GALNT13: variants seen among roughly 807,000 people sequenced by gnomAD.
GALNT13 encodes UDP-GalNAc:polypeptide N-acetylgalactosaminyltransferase 13.
GALNT13 carries 28 observed loss-of-function variants against 64.2 expected under a neutral mutation model. The observed-to-expected ratio is 0.44, with a 90% CI of 0.32 to 0.60. GALNT13 has a LOEUF of 0.60. GALNT13 is among the 20% of genes least tolerant of loss of function. The pLI is 0.05. For synonymous variants in GALNT13, 214 were observed against 224.6 expected (o/e 0.95, Z 0.42); for missense variants, 577 against 669.8 (o/e 0.86, Z 1.53).
chr2:153,700,816 C>T, the GALNT13 span, among the ~76,000 whole-genome samples: 1 of 152,086 alleles, frequency 6.6e-6, no homozygotes, highest in Non-Finnish European at 1.5e-5. Context: ...AAGAGAACTA[C>T]AAACCACTGC....
At chr2:153,097,920 G>T in the GALNT13 span, among the ~76,000 whole-genome samples, 4 of 152,138 alleles carry the variant, frequency 2.6e-5, no homozygotes, top group Non-Finnish European at 5.9e-5. Flanking sequence ...TCAAAAATTA[G>T]CTGGGCGTGG....
intron 10 of GALNT13, among the ~76,000 whole-genome samples, chr2:154,406,872 A>G (rs1335182947): frequency 1.3e-5 from 2 of 152,194 alleles, no homozygotes; most frequent in African/African-American, 4.8e-5. Context: ...CTACTACTCA[A>G]TTGAATAAAT....
chr2:153,738,443 A>T, the GALNT13 span, among the ~76,000 whole-genome samples: 1 of 151,974 alleles, frequency 6.6e-6, no homozygotes, highest in African/African-American at 2.4e-5. Flanking sequence ...AACTTCTGAA[A>T]TGTTGCCTCC....
At chr2:154,007,670 T>C (rs13428355) in intron 3 of GALNT13, among the ~76,000 whole-genome samples, 9,370 of 151,936 alleles carry the variant, frequency 0.062, 640 homozygotes, top group African/African-American at 0.16. Context: ...TGTTAGAGTA[T>C]AGGATAAAGA....
chr2:153,941,017 A>C (rs776877), intron 2 of GALNT13, among the ~76,000 whole-genome samples: 16,275 of 152,288 alleles, frequency 0.11, 1,314 homozygotes, highest in Admixed American at 0.26. Flanking sequence ...ACATAGTTAC[A>C]AAACCCTAAA....
At chr2:153,672,439 C>A in the GALNT13 span, among the ~76,000 whole-genome samples, 7 of 152,154 alleles carry the variant, frequency 4.6e-5, no homozygotes, top group Admixed American at 6.5e-5. Context: ...AAACAACCTG[C>A]TCCTGAATGA....
chr2:153,321,139 A>T, the GALNT13 span, among the ~76,000 whole-genome samples: 3 of 152,186 alleles, frequency 2.0e-5, no homozygotes, highest in African/African-American at 7.2e-5. Flanking sequence ...ATTGTTAAAG[A>T]TGTTTTACTC....
intron 3 of GALNT13, among the ~76,000 whole-genome samples, chr2:153,964,621 T>C (rs936058587): frequency 6.6e-6 from 1 of 152,120 alleles, no homozygotes; most frequent in African/African-American, 2.4e-5. Flanking sequence ...TATGTAATTG[T>C]TACAGACTGA....
At position 153,944,611 on chromosome 2, in the gene GALNT13, G is replaced by A; in HGVS notation, c.114G>A (p.Lys38=). 1 of 1,613,360 alleles carries A rather than the reference G, an allele frequency of 6.2e-7. No individual in the cohort carries two copies. The highest frequency in any genetic ancestry group is 8.5e-7 in the Non-Finnish European group (1 of 1,179,516). The change falls in exon 3 of 13, where the codon AAG becomes AAA. Residue 38 remains lysine (K), a synonymous_variant. Transcript: ENST00000392825. ...AATGTAACAAATGTGATGACAAGAA[G>A]GAGAGATCTCTGCTGCCTGCATTGA... ...FSECNKCDDK[K]ERSLLPALRA...
the GALNT13 span, among the ~76,000 whole-genome samples, chr2:153,825,178 C>T: frequency 1.5e-3 from 227 of 152,192 alleles, 8 homozygotes; most frequent in South Asian, 0.046. Context: ...GAGAACTATG[C>T]GACTCACATC....
At chr2:154,006,437 CT>C (rs1268369940) in intron 3 of GALNT13, among the ~76,000 whole-genome samples, 1 of 152,024 alleles carries the variant, frequency 6.6e-6, no homozygotes, top group Admixed American at 6.6e-5. Flanking sequence ...AGAAAACTTG[CT>C]TTCAATTTGT....
chr2:153,260,314 C>G, the GALNT13 span, among the ~76,000 whole-genome samples: 1 of 152,168 alleles, frequency 6.6e-6, no homozygotes, highest in African/African-American at 2.4e-5. Flanking sequence ...CACATGATTT[C>G]TTATTGCTCA....
At chr2:153,095,494 C>A in the GALNT13 span, among the ~76,000 whole-genome samples, 1 of 152,214 alleles carries the variant, frequency 6.6e-6, no homozygotes, top group Non-Finnish European at 1.5e-5. Flanking sequence ...CCTCAAGGAT[C>A]TAGGACTAGA....
chr2:153,516,529 G>A, the GALNT13 span, among the ~76,000 whole-genome samples: 24 of 152,200 alleles, frequency 1.6e-4, no homozygotes, highest in African/African-American at 5.8e-4. Context: ...TTACAAGTTA[G>A]GTGGTAGGAA....
intron 1 of GALNT13, among the ~76,000 whole-genome samples, chr2:153,888,436 A>T (rs1687332932): frequency 6.6e-6 from 1 of 151,966 alleles, no homozygotes; most frequent in Admixed American, 6.6e-5. Flanking sequence ...ATCTGTGTTT[A>T]AAAAATGTTT....
chr2:154,298,878 T>G (rs959061057), intron 8 of GALNT13, among the ~76,000 whole-genome samples: 21 of 37,108 alleles, frequency 5.7e-4, no homozygotes, highest in Non-Finnish European at 1.2e-3. Flanking sequence ...ATACATTATA[T>G]ATTATTTATA....
chr2:153,676,228 A>G, the GALNT13 span, among the ~76,000 whole-genome samples: 2 of 152,162 alleles, frequency 1.3e-5, no homozygotes, highest in Non-Finnish European at 2.9e-5. Context: ...AGAGATTATT[A>G]TGAACGTCTC....
intron 8 of GALNT13, among the ~76,000 whole-genome samples, chr2:154,291,107 G>A (rs1692600532): frequency 6.6e-6 from 1 of 152,116 alleles, no homozygotes; most frequent in African/African-American, 2.4e-5. Context: ...TGAGTAGGTT[G>A]CCGCGGCTGG....
the GALNT13 span, among the ~76,000 whole-genome samples, chr2:153,248,481 A>G: frequency 2.0e-5 from 3 of 147,804 alleles, no homozygotes; most frequent in South Asian, 6.4e-4. Context: ...ATTTTAATAG[A>G]TGCAGAAAAG....
Sources: allele counts gnomAD v4.1 joint callset (sites outside exome capture counted in the v4.1 genomes callset), GRCh38; gene constraint gnomAD v4.1.1; transcripts MANE v1.5; gene names NCBI Gene and HGNC (gene_info 2026-07-23, HGNC 2026-07-21).